The following WWP2 variants were observed in gnomAD, a reference collection of about 807,000 sequenced individuals.
WWP2 encodes the protein NEDD4-like E3 ubiquitin-protein ligase WWP2.
Under a neutral mutation model 121.0 loss-of-function variants are expected in WWP2, and 57 were observed. That is an observed-to-expected ratio of 0.47 (90% CI 0.38 to 0.59). The LOEUF (loss-of-function observed/expected upper bound fraction) is 0.59, where lower values mean the gene tolerates loss of function less well. Ranked by LOEUF, WWP2 falls within the 20% of genes least tolerant of loss-of-function variation. The pLI is 0.00. For synonymous variants in WWP2, 449 were observed against 441.3 expected, an observed-to-expected ratio of 1.02 and a Z score of -0.22; for missense variants, 962 against 1,158.9, an observed-to-expected ratio of 0.83 and a Z score of 2.47.
At chr16:69,928,629 C>T (rs1025830456) in intron 11 of WWP2, among the ~76,000 whole-genome samples, 8 of 152,166 alleles carry the variant, frequency 5.3e-5, no homozygotes, top group Non-Finnish European at 7.4e-5. Flanking sequence ...GATAGGCAGG[C>T]CAGGCACGGT....
rs746454532 is a variant in WWP2 at position 69,876,368 on chromosome 16, TC to T, written c.703+4438del. Among the ~76,000 whole-genome samples, 296 of 149,824 alleles carry T rather than the reference TC, an allele frequency of 2.0e-3. 2 individuals carry two copies. Among genetic ancestry groups the T allele is most frequent in the Middle Eastern group, 3.4e-3 (1 of 292 alleles). ...TGTTTTTTGGGGTTTTTTTTTTTTT[TC>T]GTTTTTTGTTTTTGAGATGCAGTCT... On this transcript the variant is annotated intron_variant, in intron 7 of 23. Coordinates refer to ENST00000359154, the MANE Select transcript of WWP2 (RefSeq NM_001270454.2).
At chr16:69,888,941 C>G (rs896412418) in intron 8 of WWP2, among the ~76,000 whole-genome samples, 2 of 152,094 alleles carry the variant, frequency 1.3e-5, no homozygotes, top group Non-Finnish European at 2.9e-5. Context: ...CCTGACCTCA[C>G]ATCATCCACC....
intron 16 of WWP2, among the ~76,000 whole-genome samples, 163 bp downstream of exon 16, chr16:69,932,053 G>A (rs1212984470): frequency 6.6e-6 from 1 of 152,270 alleles, no homozygotes; most frequent in African/African-American, 2.4e-5. Flanking sequence ...GAACCCGCCA[G>A]GCGCGGTGGC....
intron 4 of WWP2, among the ~76,000 whole-genome samples, chr16:69,804,684 GT>G (rs2056239519): frequency 6.6e-6 from 1 of 151,742 alleles, no homozygotes; most frequent in Non-Finnish European, 1.5e-5. Flanking sequence ...AACCTTAACA[GT>G]TTCATCAGAT....
At chr16:69,834,675 C>T (rs1052097744) in intron 4 of WWP2, among the ~76,000 whole-genome samples, 1 of 150,910 alleles carries the variant, frequency 6.6e-6, no homozygotes, top group South Asian at 2.1e-4. Context: ...TACAGGTGCC[C>T]GCTACCACAC....
At chr16:69,867,928 G>C (rs774576767) in intron 6 of WWP2, among the ~76,000 whole-genome samples, 6 of 152,148 alleles carry the variant, frequency 3.9e-5, no homozygotes, top group Non-Finnish European at 8.8e-5. Context: ...CATTTGTCTG[G>C]GTGCTATTTT....
chr16:69,784,091 C>CTT (rs61650147), intron 1 of WWP2, among the ~76,000 whole-genome samples: 145 of 60,846 alleles, frequency 2.4e-3, no homozygotes, highest in Middle Eastern at 0.027. Flanking sequence ...TTCTTTCTTT[C>CTT]TTTTTTTTTT....
chr16:69,825,199 C>G (rs1477889411), intron 4 of WWP2, among the ~76,000 whole-genome samples: 1 of 151,364 alleles, frequency 6.6e-6, no homozygotes. Flanking sequence ...CTGAGGTGGG[C>G]GGATCACTTG....
chr16:69,904,405 A>G (rs143212662), intron 8 of WWP2, among the ~76,000 whole-genome samples: 43 of 145,426 alleles, frequency 3.0e-4, no homozygotes, highest in Non-Finnish European at 4.3e-4. Context: ...GTTGGGGTCT[A>G]TTGCCTAGGC....
chr16:69,911,266 A>G lies in WWP2; in HGVS notation c.1004+2416A>G, dbSNP rs528175462. On this transcript the variant is annotated intron_variant, in intron 9 of 23. Transcript: ENST00000359154. ...TCCGGGAGCAATAAGTATTGGACCTAGTAGCTCAGGGTGAATGCATCCATT... is the reference window on the plus strand; with the variant it reads ...TCCGGGAGCAATAAGTATTGGACCTGGTAGCTCAGGGTGAATGCATCCATT... Among the ~76,000 whole-genome samples, 4 of 152,322 alleles carry G rather than the reference A, an allele frequency of 2.6e-5. No homozygotes were observed. In the South Asian group the frequency reaches 8.3e-4, roughly 32 times the overall value.
intron 2 of WWP2, among the ~76,000 whole-genome samples, chr16:69,794,109 G>A (rs1597676347): frequency 6.6e-6 from 1 of 152,034 alleles, no homozygotes; most frequent in African/African-American, 2.4e-5. Flanking sequence ...GTAGAGACGG[G>A]GTTTCACCAA....
chr16:69,789,374 C>T (rs567602368), intron 2 of WWP2, among the ~76,000 whole-genome samples: 2 of 152,112 alleles, frequency 1.3e-5, no homozygotes, highest in East Asian at 1.9e-4. Context: ...GGACTACAGG[C>T]GTGTGCCACC....
intron 4 of WWP2, among the ~76,000 whole-genome samples, chr16:69,827,165 AACT>A (rs1310677020): frequency 3.3e-5 from 5 of 151,022 alleles, no homozygotes; most frequent in Admixed American, 6.6e-5. Context: ...AAAAAAAAAA[AACT>A]ACTGTGGAAT....
chr16:69,882,707 A>G (rs145096588), intron 7 of WWP2, among the ~76,000 whole-genome samples: 115 of 152,306 alleles, frequency 7.6e-4, no homozygotes, highest in Middle Eastern at 3.4e-3. Flanking sequence ...GCAAGAACAC[A>G]AGGGACAGAG....
At chr16:69,778,545 TGGACCTAATACG>T (rs2055590625) in intron 1 of WWP2, among the ~76,000 whole-genome samples, 1 of 152,128 alleles carries the variant, frequency 6.6e-6, no homozygotes, top group African/African-American at 2.4e-5. Flanking sequence ...AGTGGGGATT[TGGACCTAATACG>T]CATTAGGAAC....
At chr16:69,765,388 C>A (rs556227759) in intron 1 of WWP2, among the ~76,000 whole-genome samples, 1 of 152,082 alleles carries the variant, frequency 6.6e-6, no homozygotes, top group Non-Finnish European at 1.5e-5. Context: ...GTTCTGAATG[C>A]CAGGAATATA....
chr16:69,938,173 A>G (rs1484108464), intron 21 of WWP2, among the ~76,000 whole-genome samples: 1 of 152,122 alleles, frequency 6.6e-6, no homozygotes, highest in Non-Finnish European at 1.5e-5. Flanking sequence ...CATACAATTA[A>G]CTATTAATTT....
chr16:69,878,109 A>G lies in WWP2; in HGVS notation c.703+6178A>G, dbSNP rs559883204. 2.0e-5 allele frequency among the ~76,000 whole-genome samples: 3 copies of G among 152,284 alleles called. No homozygotes were observed. The East Asian group carries it at 5.8e-4, about 29-fold the overall frequency. ...AGGTGTGAGCCACCGTGCCCAGCCC[A>G]AATTTGCTATTTTATATGGATGGGG... On this transcript the variant is annotated intron_variant, in intron 7 of 23. Coordinates refer to ENST00000359154, the MANE Select transcript of WWP2 (RefSeq NM_001270454.2).
At chr16:69,907,328 G>A (rs574953044) in intron 8 of WWP2, among the ~76,000 whole-genome samples, 6 of 152,228 alleles carry the variant, frequency 3.9e-5, no homozygotes, top group South Asian at 4.1e-4. Context: ...ACAAAATCAC[G>A]CATAAGCAAA....
Sources: gnomAD v4.1 joint callset for allele counts (sites outside exome capture counted in the v4.1 genomes callset) on GRCh38, gnomAD v4.1.1 for gene constraint, MANE v1.5 for transcripts, NCBI Gene and HGNC (gene_info 2026-07-23, HGNC 2026-07-21) for gene names.